QTGAL: variants seen among roughly 807,000 people sequenced by gnomAD.
The protein encoded by QTGAL is queuosine-tRNA galactosyltransferase, also known as BGnT-like protein 1.
chr17:83,023,299 G>T, the QTGAL span, among the ~76,000 whole-genome samples: 138 of 56,744 alleles, frequency 2.4e-3, no homozygotes, highest in African/African-American at 4.5e-3. Flanking sequence ...GAACTCACAT[G>T]AGCTTAGCAC....
the QTGAL span, chr17:82,942,985 G>T: frequency 5.9e-6 from 1 of 169,288 alleles, no homozygotes; most frequent in Non-Finnish European, 1.3e-5. Context: ...GCTGTTTCTG[G>T]GCCCGTCTGC....
the QTGAL span, among the ~76,000 whole-genome samples, chr17:82,971,638 T>G: frequency 1.1e-5 from 1 of 92,700 alleles, no homozygotes; most frequent in African/African-American, 4.8e-5. Flanking sequence ...CAGAAGGACC[T>G]GGTGCCGACC....
chr17:82,983,519 G>C, the QTGAL span, among the ~76,000 whole-genome samples: 60 of 152,248 alleles, frequency 3.9e-4, no homozygotes, highest in South Asian at 0.012. Context: ...GCCCCACACA[G>C]AACCATGAGA....
At chr17:82,990,198 C>A in the QTGAL span, among the ~76,000 whole-genome samples, 2 of 152,220 alleles carry the variant, frequency 1.3e-5, no homozygotes, top group African/African-American at 2.4e-5. Flanking sequence ...AGGTTTAATA[C>A]AAACCATACT....
chr17:82,984,622 C>G, the QTGAL span, among the ~76,000 whole-genome samples: 3 of 151,682 alleles, frequency 2.0e-5, no homozygotes, highest in Non-Finnish European at 2.9e-5. Context: ...CTGCAAGCCA[C>G]AGAGAGGCAT....
At chr17:83,021,048 G>T in the QTGAL span, among the ~76,000 whole-genome samples, 1 of 152,322 alleles carries the variant, frequency 6.6e-6, no homozygotes, top group South Asian at 2.1e-4. Context: ...TGCCCTACAT[G>T]AATATTTGCT....
chr17:83,032,993 G>T, the QTGAL span, among the ~76,000 whole-genome samples: 3 of 152,220 alleles, frequency 2.0e-5, no homozygotes, highest in Non-Finnish European at 4.4e-5. Context: ...GGCGGCTCCC[G>T]CGTAAATCCC....
the QTGAL span, chr17:82,942,377 G>C: frequency 1.9e-6 from 3 of 1,609,674 alleles, no homozygotes; most frequent in Non-Finnish European, 1.7e-6. Context: ...GCCCAGAGGG[G>C]TGAGGGTCCC....
the QTGAL span, among the ~76,000 whole-genome samples, chr17:83,046,846 A>G: frequency 3.9e-5 from 6 of 152,376 alleles, no homozygotes; most frequent in East Asian, 1.2e-3. Context: ...ACAAACAGAC[A>G]CACAAAACAT....
At chr17:83,010,273 G>A in the QTGAL span, among the ~76,000 whole-genome samples, 1 of 152,158 alleles carries the variant, frequency 6.6e-6, no homozygotes, top group Admixed American at 6.5e-5. Flanking sequence ...CTCCTGAGCA[G>A]CGATGTTGAA....
chr17:83,007,842 G>T, the QTGAL span, among the ~76,000 whole-genome samples: 1 of 152,212 alleles, frequency 6.6e-6, no homozygotes. Context: ...CACGAGCCAC[G>T]AGCATTGGTC....
At chr17:82,998,832 C>T in the QTGAL span, among the ~76,000 whole-genome samples, 1 of 152,218 alleles carries the variant, frequency 6.6e-6, no homozygotes, top group East Asian at 1.9e-4. Flanking sequence ...TGTGAACAGA[C>T]ACTTTACCAA....
chr17:82,957,560 C>T, the QTGAL span: 3 of 1,521,828 alleles, frequency 2.0e-6, no homozygotes, highest in Non-Finnish European at 2.7e-6. Context: ...TGCTGACATA[C>T]AGGGACATGA....
chr17:82,962,193 G>C, the QTGAL span, among the ~76,000 whole-genome samples: 2 of 152,212 alleles, frequency 1.3e-5, no homozygotes, highest in African/African-American at 4.8e-5. Flanking sequence ...AAACTATCAC[G>C]GCCCAACCGC....
At chr17:83,037,551 G>T in the QTGAL span, among the ~76,000 whole-genome samples, 1 of 152,226 alleles carries the variant, frequency 6.6e-6, no homozygotes, top group Non-Finnish European at 1.5e-5. This position sits in a 1 kb window ranked among gnomAD's most constrained non-coding sequence, Gnocchi z 5.2. Context: ...TGGGATGGAT[G>T]GTGGGCCGTG....
chr17:83,020,582 C>T, the QTGAL span, among the ~76,000 whole-genome samples: 2 of 152,242 alleles, frequency 1.3e-5, no homozygotes, highest in South Asian at 2.1e-4. Context: ...CCTGGGGACA[C>T]GATGGGGCCT....
the QTGAL span, chr17:83,005,904 C>T: frequency 7.4e-7 from 1 of 1,358,286 alleles, no homozygotes; most frequent in East Asian, 2.9e-5. This position sits in a 1 kb window ranked among gnomAD's most constrained non-coding sequence, Gnocchi z 5.6. Flanking sequence ...GAGTGGGCTC[C>T]CAGCACTCAG....
the QTGAL span, among the ~76,000 whole-genome samples, chr17:83,043,367 TA>T: frequency 6.6e-6 from 1 of 152,078 alleles, no homozygotes; most frequent in Non-Finnish European, 1.5e-5. Flanking sequence ...GTAACAGAAG[TA>T]AAACTGAAAA....
At chr17:82,989,481 A>G in the QTGAL span, among the ~76,000 whole-genome samples, 1 of 138,100 alleles carries the variant, frequency 7.2e-6, no homozygotes, top group Non-Finnish European at 1.5e-5. Flanking sequence ...CATTCTGCAC[A>G]TGTATTCTGG....
Sources: allele counts gnomAD v4.1 joint callset (sites outside exome capture counted in the v4.1 genomes callset), GRCh38; gene constraint gnomAD v4.1.1; non-coding constraint Gnocchi (gnomAD v3.1); transcripts MANE v1.5; gene names NCBI Gene and HGNC (gene_info 2026-07-23, HGNC 2026-07-21).